LEF1: variants seen among roughly 807,000 people sequenced by gnomAD.
LEF1 encodes the protein lymphoid enhancer binding factor 1, also known as lymphoid enhancer-binding factor 1.
In LEF1, 14 loss-of-function variants were observed where a neutral mutation model predicts 51.2. The observed-to-expected ratio is 0.27, with a 90% CI of 0.18 to 0.43. LEF1 has a LOEUF of 0.43. Ranked by LOEUF, LEF1 falls within the 20% of genes least tolerant of loss-of-function variation. The pLI is 1.00. For missense variants in LEF1, 386 were observed against 512.0 expected, an observed-to-expected ratio of 0.75 and a Z score of 2.37; for synonymous variants, 185 against 183.2, an observed-to-expected ratio of 1.01 and a Z score of -0.08.
At chr4:108,128,712 G>A (rs1742693313) in intron 3 of LEF1, among the ~76,000 whole-genome samples, 1 of 152,076 alleles carries the variant, frequency 6.6e-6, no homozygotes, top group Non-Finnish European at 1.5e-5. Flanking sequence ...TGAACCTATT[G>A]ATTATTATAA....
At chr4:108,145,043 G>C (rs1743915765) in intron 3 of LEF1, among the ~76,000 whole-genome samples, 1 of 152,102 alleles carries the variant, frequency 6.6e-6, no homozygotes, top group Non-Finnish European at 1.5e-5. Context: ...TAGAATAGTT[G>C]GTTATCCCAC....
chr4:108,081,816 C>T (rs1010291898), intron 5 of LEF1, 147 bp from the exon 6 acceptor site: 8 of 631,708 alleles, frequency 1.3e-5, no homozygotes, highest in African/African-American at 3.6e-5. Context: ...AGAAACGTAA[C>T]CGTTCCCCTT....
intron 9 of LEF1, among the ~76,000 whole-genome samples, chr4:108,065,271 G>A (rs1322446233): frequency 1.3e-5 from 2 of 152,154 alleles, no homozygotes; most frequent in Admixed American, 6.5e-5. Context: ...CAGATCACGA[G>A]GTCAGGAGTT....
intron 3 of LEF1, among the ~76,000 whole-genome samples, chr4:108,117,995 T>C (rs1003290563): frequency 1.3e-5 from 2 of 152,246 alleles, no homozygotes; most frequent in Admixed American, 6.5e-5. Context: ...CTATGCTAAA[T>C]AAATGTTCAG....
chr4:108,134,625 G>A (rs905791928), intron 3 of LEF1, among the ~76,000 whole-genome samples: 2 of 152,160 alleles, frequency 1.3e-5, no homozygotes, highest in Admixed American at 6.5e-5. Context: ...TTCCAAAACA[G>A]GATAAAAAAG....
At chr4:108,154,173 C>T (rs1486478989) in intron 3 of LEF1, among the ~76,000 whole-genome samples, 1 of 151,920 alleles carries the variant, frequency 6.6e-6, no homozygotes, top group Non-Finnish European at 1.5e-5. Flanking sequence ...AACAATTTCT[C>T]TTCTGCTTTC....
chr4:108,090,563 TATTA>T (rs1374410751), intron 3 of LEF1, among the ~76,000 whole-genome samples: 1 of 152,188 alleles, frequency 6.6e-6, no homozygotes, highest in Non-Finnish European at 1.5e-5. Context: ...CTTATTTATT[TATTA>T]TTTATTTTTT....
chr4:108,086,456 C>T (rs1399700860), intron 4 of LEF1, among the ~76,000 whole-genome samples: 6 of 152,074 alleles, frequency 3.9e-5, no homozygotes, highest in African/African-American at 1.4e-4. Flanking sequence ...ATATACTGAG[C>T]GTAGCCTTTA....
intron 1 of LEF1, chr4:108,166,234 T>G: frequency 6.5e-7 from 1 of 1,533,952 alleles, no homozygotes; most frequent in Non-Finnish European, 8.7e-7. Context: ...TTCTGTTCTC[T>G]GAACGCAGGC....
intron 3 of LEF1, among the ~76,000 whole-genome samples, chr4:108,091,437 G>T (rs1262592822): frequency 9.9e-6 from 1 of 101,068 alleles, no homozygotes; most frequent in Admixed American, 1.3e-4. Context: ...CCATCCAAAA[G>T]AAACTTACGG....
chr4:108,115,964 A>G (rs1741815203), intron 3 of LEF1, among the ~76,000 whole-genome samples: 1 of 151,930 alleles, frequency 6.6e-6, no homozygotes, highest in African/African-American at 2.4e-5. Context: ...ACTGAGGAGC[A>G]GTTATGGAAA....
chr4:108,089,321 G>GA, intron 3 of LEF1, 64 bp from the exon 4 acceptor site: 2 of 1,550,440 alleles, frequency 1.3e-6, no homozygotes, highest in Middle Eastern at 1.9e-4. Flanking sequence ...TTCTCCCAAA[G>GA]AAAAAAATTC....
rs557807968 is a variant in LEF1 at position 108,097,443 on chromosome 4, G to A, written c.415-8186C>T. Among the ~76,000 whole-genome samples the A allele has an allele frequency of 7.0e-4, 106 of 152,338 alleles. 1 individual carries two copies. In the South Asian group the frequency reaches 8.3e-3, roughly 12 times the overall value. On this transcript the variant is annotated intron_variant, in intron 3 of 11. Coordinates refer to ENST00000265165, the MANE Select transcript of LEF1 (RefSeq NM_016269.5). ...ATGATGGTTACCAGCAGCTTGGAAT[G>A]GGGGTTGGGTGAGTGGGGATGGTTA...
intron 11 of LEF1, among the ~76,000 whole-genome samples, chr4:108,049,832 A>C (rs1018269494): frequency 6.6e-6 from 1 of 152,260 alleles, no homozygotes; most frequent in Non-Finnish European, 1.5e-5. Context: ...AATGAATACA[A>C]AAGTCTAGAT....
At chr4:108,074,525 A>T (rs1241307045) in intron 8 of LEF1, among the ~76,000 whole-genome samples, 1 of 152,256 alleles carries the variant, frequency 6.6e-6, no homozygotes, top group African/African-American at 2.4e-5. Flanking sequence ...AGTAAAGATG[A>T]ATAAAAATCA....
At position 108,047,654 on chromosome 4, in the gene LEF1, G is replaced by A. The variant is rs768642450; in HGVS notation, c.*1104C>T. 1 of 152,598 alleles carries A rather than the reference G, an allele frequency of 6.6e-6. No homozygotes were observed. Among genetic ancestry groups the A allele is most frequent in the Non-Finnish European group, 1.5e-5 (1 of 68,040 alleles). 9.5% of individuals were successfully genotyped at this position (152,598 alleles called of 1,614,324 possible). On this transcript the variant is annotated 3_prime_UTR_variant, in exon 12 of 12. Coordinates refer to ENST00000265165, the MANE Select transcript of LEF1 (RefSeq NM_016269.5). The stretch of plus-strand genomic sequence containing the variant: ...GTTAGGATGACAGTTTTGGGCAAAG[G>A]CTGTGCCTTGCTTTTTTAAAAAATG...
intron 11 of LEF1, among the ~76,000 whole-genome samples, chr4:108,057,926 T>G (rs970424748): frequency 4.6e-5 from 7 of 151,026 alleles, no homozygotes; most frequent in Non-Finnish European, 7.4e-5. Context: ...TGGGCTAGAG[T>G]GCAATGGTGC....
At chr4:108,155,743 C>T (rs1744652620) in intron 3 of LEF1, among the ~76,000 whole-genome samples, 1 of 152,166 alleles carries the variant, frequency 6.6e-6, no homozygotes, top group South Asian at 2.1e-4. Flanking sequence ...TTTAACCTTC[C>T]CAAAGTTTTC....
At chr4:108,061,307 C>G (rs1737677783) in intron 11 of LEF1, among the ~76,000 whole-genome samples, 1 of 152,042 alleles carries the variant, frequency 6.6e-6, no homozygotes, top group Non-Finnish European at 1.5e-5. Flanking sequence ...AAATAAGTGA[C>G]AAGAAAGCAC....
Sources: gnomAD v4.1 joint callset for allele counts (sites outside exome capture counted in the v4.1 genomes callset) on GRCh38, gnomAD v4.1.1 for gene constraint, MANE v1.5 for transcripts, NCBI Gene and HGNC (gene_info 2026-07-23, HGNC 2026-07-21) for gene names.